Variants in MTA3 observed in about 807,000 individuals in gnomAD.
MTA3 encodes metastasis-associated protein MTA3.
MTA3 carries 34 observed loss-of-function variants against 83.5 expected under a neutral mutation model. The ratio of observed to expected loss-of-function variants is 0.41; its 90% CI spans 0.31 to 0.54. The LOEUF (loss-of-function observed/expected upper bound fraction) is 0.54, where lower values mean the gene tolerates loss of function less well. Ranked by LOEUF, MTA3 falls within the 20% of genes least tolerant of loss-of-function variation. The pLI, the probability that MTA3 is intolerant of heterozygous loss-of-function variation, is 0.33. For synonymous variants in MTA3, 303 were observed against 252.7 expected (o/e 1.20, Z -1.89); for missense variants, 761 against 726.4 (o/e 1.05, Z -0.55).
At chr2:42,532,099 C>T (rs553001610) in intron 2 of MTA3, among the ~76,000 whole-genome samples, 133 of 152,360 alleles carry the variant, frequency 8.7e-4, no homozygotes, top group African/African-American at 3.1e-3. Flanking sequence ...ATTAAACTTT[C>T]CCTGAGCTTA....
intron 3 of MTA3, among the ~76,000 whole-genome samples, chr2:42,588,601 T>A (rs1022381148): frequency 1.3e-5 from 2 of 152,188 alleles, no homozygotes; most frequent in African/African-American, 4.8e-5. Flanking sequence ...ATTAGGGCCC[T>A]TTGCATTCTC....
At chr2:42,696,554 A>AGCAAGTTATACAGTAGCAAGT (rs568824881) in intron 10 of MTA3, among the ~76,000 whole-genome samples, 2 of 152,210 alleles carry the variant, frequency 1.3e-5, no homozygotes, top group Admixed American at 1.3e-4. Context: ...CTATATATGT[A>AGCAAGTTATACAGTAGCAAGT]GGTTATACAG....
At position 42,579,159 on chromosome 2, in the gene MTA3, A is replaced by G; in HGVS notation, c.149A>G (p.Asp50Gly). 1 of 1,608,350 alleles carries G rather than the reference A, an allele frequency of 6.2e-7. No individual in the cohort carries two copies. Among genetic ancestry groups the G allele is most frequent in the Non-Finnish European group, 8.5e-7 (1 of 1,177,598 alleles). ...GTAGTATGCTTTTATAGACGACGTG[A>G]TATTTCCAACACACTTATAATGCTC... is the stretch of plus-strand genomic sequence containing the variant. ...AKVVCFYRRR[D>G]ISNTLIMLAD... The change falls in exon 3 of 17, where the codon GAT becomes GGT. Residue 50 changes from aspartate (D) to glycine (G), a missense_variant. Transcript: ENST00000405094.
chr2:42,629,303 A>G (rs1686442014), intron 4 of MTA3, among the ~76,000 whole-genome samples: 1 of 151,520 alleles, frequency 6.6e-6, no homozygotes, highest in Non-Finnish European at 1.5e-5. Context: ...CTGATCTCGA[A>G]CTCCTGACCT....
At chr2:42,519,541 G>A (rs1427653657) in intron 2 of MTA3, among the ~76,000 whole-genome samples, 1 of 151,760 alleles carries the variant, frequency 6.6e-6, no homozygotes, top group African/African-American at 2.4e-5. Context: ...GGGAGGCAGA[G>A]GTTGCATTGA....
intron 6 of MTA3, among the ~76,000 whole-genome samples, chr2:42,645,418 G>A (rs984909416): frequency 2.0e-5 from 3 of 152,026 alleles, no homozygotes; most frequent in African/African-American, 4.8e-5. Flanking sequence ...CCAACTACTC[G>A]GGAGGCTGAG....
chr2:42,552,562 C>CAATAAACG (rs1677163793), intron 2 of MTA3, among the ~76,000 whole-genome samples: 1 of 145,404 alleles, frequency 6.9e-6, no homozygotes, highest in Non-Finnish European at 1.5e-5. Context: ...TTTGAGGCTG[C>CAATAAACG]AATAAACGCC....
intron 15 of MTA3, 105 bp downstream of exon 15, chr2:42,719,179 A>G (rs1667235264): frequency 2.5e-6 from 2 of 794,070 alleles, no homozygotes; most frequent in Non-Finnish European, 4.1e-6. Flanking sequence ...GGCCCTTCAA[A>G]TAGCCGAAAT....
At chr2:42,601,925 C>T (rs1268154242) in intron 3 of MTA3, among the ~76,000 whole-genome samples, 4 of 151,272 alleles carry the variant, frequency 2.6e-5, no homozygotes, top group Non-Finnish European at 5.9e-5. Flanking sequence ...CTGCAACCTC[C>T]ACCTCTCGGA....
In MTA3 at chr2:42,540,742, G is replaced by A. The variant is rs551749436; in HGVS notation, c.-140-29695G>A. On this transcript the variant is annotated intron_variant, in intron 2 of 17. Transcript: ENST00000405592. ...CCTACCTACTTGGAAGGCTGAGGTA[G>A]AAGAATCACTTGATCCCAAGAGTTT... Among the ~76,000 whole-genome samples the A allele has an allele frequency of 1.9e-4, 29 of 151,174 alleles. No individual in the cohort carries two copies. In the South Asian group the frequency reaches 6.0e-3, roughly 32 times the overall value.
At chr2:42,610,055 G>A (rs975230114) in intron 4 of MTA3, among the ~76,000 whole-genome samples, 2 of 152,092 alleles carry the variant, frequency 1.3e-5, no homozygotes, top group Non-Finnish European at 2.9e-5. Context: ...TGCTGACATC[G>A]TGCCACTGCA....
chr2:42,597,206 C>T (rs769561652), intron 3 of MTA3, among the ~76,000 whole-genome samples: 1 of 151,878 alleles, frequency 6.6e-6, no homozygotes. Context: ...GCCACTACAC[C>T]TGGCCATCTT....
At chr2:42,583,482 C>T (rs997771875) in intron 3 of MTA3, among the ~76,000 whole-genome samples, 1 of 152,096 alleles carries the variant, frequency 6.6e-6, no homozygotes, top group Admixed American at 6.6e-5. Context: ...GTGGATGCCA[C>T]TTAATTTTCC....
Position 42,754,495 on chromosome 2 carries a change from G to A in MTA3, c.*1096G>A. The A allele has an allele frequency of 1.0e-6, 1 of 985,526 alleles. No individual in the cohort carries two copies. The highest frequency in any genetic ancestry group is 1.2e-6 in the Non-Finnish European group (1 of 830,032). The allele number at this position is 985,526 out of a possible 1,614,324, so 61.0% of individuals were successfully genotyped here. On this transcript the variant is annotated 3_prime_UTR_variant, in exon 17 of 17. Coordinates refer to ENST00000405094, the MANE Select transcript of MTA3 (RefSeq NM_001330442.2). Reference sequence around the variant, plus strand: ...CTGCCCTCGGCACGAGCCCTTGGTGGCATCACAGTTGGCCACTCAGCTGTG... The same window carrying A: ...CTGCCCTCGGCACGAGCCCTTGGTGACATCACAGTTGGCCACTCAGCTGTG...
rs1201793302 is a variant in MTA3 at position 42,682,444 on chromosome 2, G to T, written c.746G>T (p.Ser249Ile). Residue 249 changes from serine to isoleucine, a missense_variant, in exon 9 of 17, where the codon AGC becomes ATC. By Grantham distance (142) the Ser-to-Ile change is moderately radical. Coordinates refer to ENST00000405094, the MANE Select transcript of MTA3 (RefSeq NM_001330442.2). Reference protein sequence around the residue: ...DTLYRHSYDLSSAISVLVPLG... With the variant: ...DTLYRHSYDLISAISVLVPLG... ...TTGTATAGACACAGCTATGATTTGA[G>T]CAGTGCCATTAGTGTCTTAGTACCA... 1 of 1,611,730 alleles carries T rather than the reference G, an allele frequency of 6.2e-7. No homozygotes were observed. The highest frequency in any genetic ancestry group is 8.5e-7 in the Non-Finnish European group (1 of 1,178,858).
At chr2:42,542,113 T>C (rs1234460996) in intron 2 of MTA3, among the ~76,000 whole-genome samples, 1 of 152,186 alleles carries the variant, frequency 6.6e-6, no homozygotes, top group African/African-American at 2.4e-5. Flanking sequence ...GTTTGCTCTA[T>C]GCCTAGATCA....
At chr2:42,717,888 C>T (rs1667136915) in intron 14 of MTA3, among the ~76,000 whole-genome samples, 1 of 152,170 alleles carries the variant, frequency 6.6e-6, no homozygotes, top group Non-Finnish European at 1.5e-5. Flanking sequence ...ATTTATCTTC[C>T]ATGTCATTTC....
intron 2 of MTA3, among the ~76,000 whole-genome samples, chr2:42,538,049 G>A (rs751652797): frequency 6.6e-5 from 10 of 151,762 alleles, no homozygotes; most frequent in South Asian, 2.1e-4. Flanking sequence ...TGGCTAACAC[G>A]GTGAAACCCC....
At chr2:42,558,291 G>GAGTGCAATGGCATGATCTCGGCT (rs1558434859) in intron 2 of MTA3, among the ~76,000 whole-genome samples, 2 of 149,986 alleles carry the variant, frequency 1.3e-5, no homozygotes, top group East Asian at 1.9e-4. Flanking sequence ...ACCCAGGCTG[G>GAGTGCAATGGCATGATCTCGGCT]AGTGCAATGG....
Sources: allele counts gnomAD v4.1 joint callset (sites outside exome capture counted in the v4.1 genomes callset), GRCh38; gene constraint gnomAD v4.1.1; transcripts MANE v1.5; gene names NCBI Gene and HGNC (gene_info 2026-07-23, HGNC 2026-07-21).